Variants in TENM4 observed in about 807,000 individuals in gnomAD.
TENM4 encodes teneurin-4.
A neutral mutation model predicts 243.3 loss-of-function variants in TENM4; 82 were observed. The observed-to-expected ratio is 0.34, with a 90% CI of 0.28 to 0.40. The LOEUF (loss-of-function observed/expected upper bound fraction) is 0.40, where lower values mean the gene tolerates loss of function less well. TENM4 is among the 10% of genes least tolerant of loss of function. The probability of loss-of-function intolerance (pLI) is 1.00; values close to 1 mark genes in which losing one functional copy is unlikely to be tolerated. For missense variants in TENM4, 3,138 were observed against 3,673.3 expected, an observed-to-expected ratio of 0.85 and a Z score of 3.77; for synonymous variants, 1,412 against 1,456.3, an observed-to-expected ratio of 0.97 and a Z score of 0.69.
At chr11:79,101,854 T>G (rs945832991) in intron 4 of TENM4, among the ~76,000 whole-genome samples, 1 of 152,170 alleles carries the variant, frequency 6.6e-6, no homozygotes, top group African/African-American at 2.4e-5. Context: ...AGAATCAAGT[T>G]TTCATACCAC....
At chr11:78,662,907 A>AT (rs1364169924) in intron 32 of TENM4, among the ~76,000 whole-genome samples, 1 of 140,286 alleles carries the variant, frequency 7.1e-6, no homozygotes, top group Non-Finnish European at 1.7e-5. Context: ...AAGCTGTGCC[A>AT]TTTTTCTCAG....
chr11:78,932,616 G>T (rs1856694345), intron 6 of TENM4, among the ~76,000 whole-genome samples: 1 of 152,178 alleles, frequency 6.6e-6, no homozygotes, highest in African/African-American at 2.4e-5. Context: ...AAACTGGGAT[G>T]GGGAGACTTA....
chr11:79,333,079 T>C (rs961888891), intron 1 of TENM4, among the ~76,000 whole-genome samples: 1 of 152,148 alleles, frequency 6.6e-6, no homozygotes, highest in Non-Finnish European at 1.5e-5. Context: ...TTTTTATCAC[T>C]GAATCCCTAG....
At chr11:79,280,806 A>C (rs1272237714) in intron 2 of TENM4, among the ~76,000 whole-genome samples, 1 of 152,178 alleles carries the variant, frequency 6.6e-6, no homozygotes, top group African/African-American at 2.4e-5. Flanking sequence ...AAAATCTGGG[A>C]CAGCCAGGCT....
chr11:78,698,264 T>C (rs1859013961), intron 28 of TENM4, among the ~76,000 whole-genome samples: 1 of 151,974 alleles, frequency 6.6e-6, no homozygotes, highest in African/African-American at 2.4e-5. Flanking sequence ...TAGCCGGGCG[T>C]CGTGGCAGAT....
intron 6 of TENM4, among the ~76,000 whole-genome samples, chr11:78,995,059 A>G (rs1278973615): frequency 6.6e-6 from 1 of 152,228 alleles, no homozygotes; most frequent in Non-Finnish European, 1.5e-5. Flanking sequence ...CAAGAGTGCT[A>G]TCGGGTAAGG....
chr11:78,670,240 G>A lies in TENM4; in HGVS notation c.6105C>T (p.Asp2035=), dbSNP rs61740650. Reference sequence around the variant, plus strand: ...TGGTCTTCAGCATGCCTGCCGTCTCGTCATAGGTGAAACTGACCTTGGTGG... The same window carrying A: ...TGGTCTTCAGCATGCCTGCCGTCTCATCATAGGTGAAACTGACCTTGGTGG... ...YDTTKVSFTY[D]ETAGMLKTIN... The change falls in exon 32 of 34, where the codon GAC becomes GAT. Residue 2035 remains aspartate, a synonymous_variant. Coordinates refer to ENST00000278550, the MANE Select transcript of TENM4 (RefSeq NM_001098816.3). 3,136 of 1,613,892 alleles carry A rather than the reference G, an allele frequency of 1.9e-3. 42 individuals are homozygous for A. The African/African-American group carries it at 0.036, about 18-fold the overall frequency.
intron 16 of TENM4, among the ~76,000 whole-genome samples, chr11:78,784,250 T>C (rs777598466): frequency 1.2e-4 from 19 of 152,252 alleles, no homozygotes; most frequent in Admixed American, 2.0e-4. Flanking sequence ...TAAAGTTCTC[T>C]GGAAACAAGG....
At chr11:78,758,392 T>C (rs993938793) in intron 18 of TENM4, among the ~76,000 whole-genome samples, 3 of 152,178 alleles carry the variant, frequency 2.0e-5, no homozygotes, top group African/African-American at 7.2e-5. Context: ...CTTCATCCCA[T>C]TGAGGTAAGC....
intron 6 of TENM4, among the ~76,000 whole-genome samples, chr11:79,058,350 T>G (rs1859993271): frequency 6.6e-6 from 1 of 152,132 alleles, no homozygotes; most frequent in Admixed American, 6.5e-5. Context: ...GAGACCATCC[T>G]GGCTAACACA....
At chr11:78,790,089 T>C (rs1857021548) in intron 15 of TENM4, among the ~76,000 whole-genome samples, 1 of 152,232 alleles carries the variant, frequency 6.6e-6, no homozygotes, top group African/African-American at 2.4e-5. Context: ...CCAGAGACTG[T>C]ACCTGGTGCT....
chr11:79,131,437 T>C (rs779473041), intron 4 of TENM4, among the ~76,000 whole-genome samples: 6 of 152,120 alleles, frequency 3.9e-5, no homozygotes, highest in Non-Finnish European at 7.4e-5. Flanking sequence ...CTAAGCATCA[T>C]ATATGAAGGA....
intron 6 of TENM4, among the ~76,000 whole-genome samples, chr11:78,948,522 G>A (rs973570224): frequency 3.9e-5 from 6 of 151,970 alleles, no homozygotes; most frequent in Non-Finnish European, 7.4e-5. Context: ...ACAGGCACCC[G>A]CCACCGCGCC....
intron 6 of TENM4, among the ~76,000 whole-genome samples, chr11:79,037,525 TCA>T (rs1027096833): frequency 1.1e-3 from 167 of 152,372 alleles, no homozygotes; most frequent in African/African-American, 3.7e-3. Context: ...CTTACAATTT[TCA>T]CAGTTAAGCA....
Position 79,123,601 on chromosome 11 carries a change from T to C in TENM4, c.-66+25109A>G, listed in dbSNP as rs1379249662. On this transcript the variant is annotated intron_variant, in intron 4 of 33. Transcript: ENST00000278550. Reference sequence around the variant, plus strand: ...TCTCCAGACAAACGCAGTAGCCCCTTTTTTTTTTTTTTTTATTAAGAATTT... The same window carrying C: ...TCTCCAGACAAACGCAGTAGCCCCTCTTTTTTTTTTTTTTATTAAGAATTT... Among the ~76,000 whole-genome samples the C allele has an allele frequency of 1.2e-4, 17 of 140,524 alleles. No homozygotes were observed. In the East Asian group the frequency reaches 2.1e-3, roughly 17 times the overall value. The allele number at this position is 140,524 out of a possible 152,430, so 92.2% of individuals were successfully genotyped here.
At chr11:78,760,042 T>C (rs1785814) in intron 18 of TENM4, among the ~76,000 whole-genome samples, 106,986 of 152,118 alleles carry the variant, frequency 0.7, 40,417 homozygotes, top group Non-Finnish European at 0.85. Flanking sequence ...CTCTTTCCAA[T>C]ATTGTAATTT....
intron 16 of TENM4, 24 bp downstream of exon 16, chr11:78,786,874 C>A: frequency 1.3e-6 from 2 of 1,583,438 alleles, no homozygotes; most frequent in East Asian, 4.6e-5. Flanking sequence ...AGAGAAGGTA[C>A]CCGGGGACCT....
chr11:78,686,201 A>G (rs1281984754), intron 29 of TENM4, among the ~76,000 whole-genome samples: 5 of 152,172 alleles, frequency 3.3e-5, no homozygotes. Flanking sequence ...ATGGTTGTCA[A>G]TCATGCCTAT....
At chr11:78,831,512 G>A (rs1452841057) in intron 12 of TENM4, among the ~76,000 whole-genome samples, 2 of 152,242 alleles carry the variant, frequency 1.3e-5, no homozygotes, top group Non-Finnish European at 1.5e-5. Context: ...CAGGGAAGGC[G>A]AGGAAGGCAT....
Sources: gnomAD v4.1 joint callset for allele counts (sites outside exome capture counted in the v4.1 genomes callset) on GRCh38, gnomAD v4.1.1 for gene constraint, MANE v1.5 for transcripts, NCBI Gene and HGNC (gene_info 2026-07-23, HGNC 2026-07-21) for gene names.